ADCK1: variants seen among roughly 807,000 people sequenced by gnomAD.
ADCK1 encodes the protein aarF domain containing kinase 1.
A neutral mutation model predicts 52.3 loss-of-function variants in ADCK1; 41 were observed. The observed-to-expected ratio is 0.78, with a 90% CI of 0.61 to 1.02. ADCK1 has a LOEUF of 1.02. ADCK1 is among the 50% of genes least tolerant of loss of function. The pLI is 0.00. For synonymous variants in ADCK1, 250 were observed against 274.6 expected (o/e 0.91, Z 0.89); for missense variants, 658 against 679.5 (o/e 0.97, Z 0.35).
intron 3 of ADCK1, among the ~76,000 whole-genome samples, chr14:77,847,575 CA>C (rs1198731767): frequency 6.6e-6 from 1 of 151,984 alleles, no homozygotes; most frequent in African/African-American, 2.4e-5. Flanking sequence ...CTCAAACAAA[CA>C]AAAAACCCCA....
At position 77,923,631 on chromosome 14, in the gene ADCK1, G is replaced by A. The variant is rs879776091; in HGVS notation, c.859-826G>A. 1 of 152,252 alleles carries A rather than the reference G, an allele frequency of 6.6e-6. No individual in the cohort carries two copies. The highest frequency in any genetic ancestry group is 1.5e-5 in the Non-Finnish European group (1 of 68,096). The allele number at this position is 152,252 out of a possible 1,614,324, so 9.4% of individuals were successfully genotyped here. On this transcript the variant is annotated intron_variant, in intron 7 of 10. Coordinates refer to ENST00000238561, the MANE Select transcript of ADCK1 (RefSeq NM_020421.4). This position sits in a 1 kb window ranked among gnomAD's most constrained non-coding sequence, Gnocchi z 4.3. ...GTGTCCTGGCGTGTCAGCTTTCTGG[G>A]TCGAGCATCTCTTTGTTCCCTGGAA... is the stretch of plus-strand genomic sequence containing the variant.
chr14:77,926,050 G>C (rs951805805), intron 9 of ADCK1, 89 bp downstream of exon 9: 16 of 1,471,660 alleles, frequency 1.1e-5, no homozygotes, highest in Non-Finnish European at 1.4e-5. Context: ...TAAGGTCTAA[G>C]AGTCTAGACT....
chr14:77,924,515 A>G lies in ADCK1; in HGVS notation c.917A>G (p.His306Arg). 6.2e-7 allele frequency: 1 copy of G among 1,614,146 alleles called. No homozygotes were observed. The highest frequency in any genetic ancestry group is 8.5e-7 in the Non-Finnish European group (1 of 1,180,032). Residue 306 changes from histidine (H) to arginine (R), a missense_variant, in exon 8 of 11, where the codon CAC becomes CGC. His to Arg is a conservative substitution (Grantham distance 29). Transcript: ENST00000238561. ...ATGATCTTCGTCAATGGCTTCGTGC[A>G]CTGCGATCCCCACCCCGGCAATGTA... ...SEMIFVNGFVHCDPHPGNVLV... is the reference protein window; with the variant it reads ...SEMIFVNGFVRCDPHPGNVLV...
chr14:77,867,785 C>G (rs1410034470), intron 4 of ADCK1, among the ~76,000 whole-genome samples: 2 of 152,192 alleles, frequency 1.3e-5, no homozygotes, highest in East Asian at 3.9e-4. Context: ...CCTGGTGTCA[C>G]CATGTTCTAT....
intron 1 of ADCK1, among the ~76,000 whole-genome samples, chr14:77,806,577 G>A (rs1320146410): frequency 2.0e-5 from 3 of 152,070 alleles, no homozygotes; most frequent in Admixed American, 1.3e-4. Flanking sequence ...TGTGCCTTTC[G>A]TGGAGTTCTT....
intron 1 of ADCK1, among the ~76,000 whole-genome samples, chr14:77,801,059 C>T (rs973383233): frequency 4.6e-5 from 7 of 151,934 alleles, no homozygotes; most frequent in Non-Finnish European, 1.0e-4. Context: ...GTGAGACTCC[C>T]GTCTGTATTA....
In ADCK1 at chr14:77,818,865, A is replaced by G. The variant is rs1050431648; in HGVS notation, c.-11-103A>G. 178 of 1,327,152 alleles carry G rather than the reference A, an allele frequency of 1.3e-4. 1 individual carries two copies. The South Asian group carries it at 1.5e-3, about 11-fold the overall frequency. The allele number at this position is 1,327,152 out of a possible 1,614,324, so 82.2% of individuals were successfully genotyped here. The stretch of plus-strand genomic sequence containing the variant: ...TAAGGCTCAGTGAGATTAATGATCC[A>G]AGGTCATATAATCTAAGTGGTAGAG... On this transcript the variant is annotated intron_variant, in intron 1 of 10. Coordinates refer to ENST00000238561, the MANE Select transcript of ADCK1 (RefSeq NM_020421.4).
At chr14:77,841,053 G>A (rs1489873701) in intron 3 of ADCK1, among the ~76,000 whole-genome samples, 1 of 152,186 alleles carries the variant, frequency 6.6e-6, no homozygotes, top group East Asian at 1.9e-4. Context: ...TACATCTCAG[G>A]TGGCAAGGGC....
At chr14:77,902,517 A>C (rs2083568845) in intron 6 of ADCK1, 1 of 152,230 alleles carries the variant, frequency 6.6e-6, no homozygotes, top group Admixed American at 6.5e-5. Context: ...AATGCTATAG[A>C]GTCTAATACA....
intron 1 of ADCK1, among the ~76,000 whole-genome samples, chr14:77,801,373 T>C (rs2139977044): frequency 6.6e-6 from 1 of 152,364 alleles, no homozygotes; most frequent in South Asian, 2.1e-4. Context: ...TCTGTCTTTA[T>C]TTGCCAGTTT....
intron 9 of ADCK1, among the ~76,000 whole-genome samples, chr14:77,930,082 G>A (rs2084292140): frequency 6.6e-6 from 1 of 151,894 alleles, no homozygotes; most frequent in African/African-American, 2.4e-5. Context: ...CCCGGTAGTA[G>A]CCTGGGTGAC....
chr14:77,817,946 G>A (rs1243095074), intron 1 of ADCK1, among the ~76,000 whole-genome samples: 1 of 151,292 alleles, frequency 6.6e-6, no homozygotes, highest in Non-Finnish European at 1.5e-5. Context: ...CATCGTGTTA[G>A]CCAGGATGGT....
At chr14:77,871,143 T>C (rs970196270) in intron 4 of ADCK1, among the ~76,000 whole-genome samples, 5 of 152,110 alleles carry the variant, frequency 3.3e-5, no homozygotes. Flanking sequence ...GTAAAAGTGA[T>C]GTTGTGGGAT....
intron 5 of ADCK1, among the ~76,000 whole-genome samples, chr14:77,898,248 AG>A (rs2083453385): frequency 6.6e-6 from 1 of 152,184 alleles, no homozygotes; most frequent in Non-Finnish European, 1.5e-5. Context: ...TGGGCTACAG[AG>A]TGACATCTTG....
At chr14:77,900,558 G>C (rs1433310242) in intron 6 of ADCK1, 1 of 455,510 alleles carries the variant, frequency 2.2e-6, no homozygotes, top group South Asian at 1.6e-5. Flanking sequence ...TTGCATTGCA[G>C]CCTGGGCAAC....
chr14:77,922,430 C>T (rs1256798076), intron 7 of ADCK1, among the ~76,000 whole-genome samples: 3 of 152,328 alleles, frequency 2.0e-5, no homozygotes, highest in South Asian at 4.1e-4. Flanking sequence ...CTCTTATAAA[C>T]ATACAATGAA....
chr14:77,826,635 G>A (rs1247244676), intron 3 of ADCK1, among the ~76,000 whole-genome samples: 1 of 152,220 alleles, frequency 6.6e-6, no homozygotes, highest in Non-Finnish European at 1.5e-5. Flanking sequence ...CATTGCTGGT[G>A]TAGACATCCA....
intron 9 of ADCK1, among the ~76,000 whole-genome samples, chr14:77,928,870 C>A (rs2140301886): frequency 6.6e-6 from 1 of 152,278 alleles, no homozygotes; most frequent in Non-Finnish European, 1.5e-5. Flanking sequence ...AAAAGTCACC[C>A]CTTAATACTT....
intron 3 of ADCK1, among the ~76,000 whole-genome samples, chr14:77,840,544 C>A (rs577333309): frequency 3.9e-5 from 6 of 152,150 alleles, no homozygotes; most frequent in African/African-American, 1.4e-4. Context: ...CTGTCAAGGT[C>A]AGCAGATTAA....
Sources: allele counts gnomAD v4.1 joint callset (sites outside exome capture counted in the v4.1 genomes callset), GRCh38; gene constraint gnomAD v4.1.1; non-coding constraint Gnocchi (gnomAD v3.1); transcripts MANE v1.5; gene names NCBI Gene and HGNC (gene_info 2026-07-23, HGNC 2026-07-21).